The following CLECL1 variants were observed in gnomAD, a reference collection of about 807,000 sequenced individuals.
CLECL1 encodes the protein C-type lectin-like domain family 1.
chr12:9,733,296 T>G (rs777603186), upstream of CLECL1: 1 of 1,455,636 alleles, frequency 6.9e-7, no homozygotes, highest in East Asian at 2.3e-5. Flanking sequence ...GTTAGTTTTC[T>G]GCCTAAACTT....
the CLECL1 span, among the ~76,000 whole-genome samples, chr12:9,707,306 A>G: frequency 4.6e-5 from 7 of 152,238 alleles, no homozygotes; most frequent in Non-Finnish European, 8.8e-5. Context: ...ATTATGAAGG[A>G]TAAAGATTAT....
At chr12:9,731,528 G>A (rs1866447245) in intron 1 of CLECL1, among the ~76,000 whole-genome samples, 1 of 152,174 alleles carries the variant, frequency 6.6e-6, no homozygotes, top group South Asian at 2.1e-4. Context: ...CTGTATGTAA[G>A]ACAACAAAAA....
chr12:9,717,819 T>G (rs741200), downstream of CLECL1, among the ~76,000 whole-genome samples: 53,840 of 151,888 alleles, frequency 0.35, 11,432 homozygotes, highest in East Asian at 0.58. Flanking sequence ...TTGAATAGTG[T>G]AAGTCTTCCA....
chr12:9,714,235 A>G (rs775822142), downstream of CLECL1, among the ~76,000 whole-genome samples: 1 of 152,178 alleles, frequency 6.6e-6, no homozygotes, highest in South Asian at 2.1e-4. Context: ...GTATTGTATG[A>G]TTTTTTCAGG....
chr12:9,722,992 T>C (rs945308788), intron 3 of CLECL1, among the ~76,000 whole-genome samples, 179 bp from the exon 2 acceptor site: 1 of 152,224 alleles, frequency 6.6e-6, no homozygotes. Context: ...CATGTGTATA[T>C]TCATTAATTC....
downstream of CLECL1, among the ~76,000 whole-genome samples, chr12:9,714,074 G>A (rs370974290): frequency 5.9e-5 from 9 of 152,286 alleles, no homozygotes; most frequent in Middle Eastern, 3.4e-3. Flanking sequence ...TTCTTCATAA[G>A]AGTCTCTTGC....
downstream of CLECL1, among the ~76,000 whole-genome samples, chr12:9,712,896 C>A (rs749413030): frequency 3.9e-5 from 6 of 152,160 alleles, no homozygotes; most frequent in South Asian, 1.2e-3. Context: ...AATGTTTAGA[C>A]AAATTAATAA....
chr12:9,705,546 A>G, the CLECL1 span, among the ~76,000 whole-genome samples: 1 of 152,070 alleles, frequency 6.6e-6, no homozygotes, highest in African/African-American at 2.4e-5. Flanking sequence ...GTTTTACACT[A>G]AAGTCTTTAA....
chr12:9,718,895 AC>A (rs1418797404), downstream of CLECL1: 17 of 585,444 alleles, frequency 2.9e-5, no homozygotes, highest in Non-Finnish European at 5.1e-5. Context: ...AGTCTGTGAT[AC>A]TTTATTGAAA....
chr12:9,730,930 C>T (rs1866439646), intron 1 of CLECL1, among the ~76,000 whole-genome samples: 1 of 152,168 alleles, frequency 6.6e-6, no homozygotes, highest in Admixed American at 6.5e-5. Flanking sequence ...AAGCGATCCT[C>T]CTTCCTCGGC....
chr12:9,722,884 G>A, intron 3 of CLECL1, 71 bp from the exon 2 acceptor site: 1 of 1,169,222 alleles, frequency 8.6e-7, no homozygotes, highest in South Asian at 1.7e-5. Flanking sequence ...CTAATTGAAG[G>A]GTCTCAAATT....
intron 2 of CLECL1, among the ~76,000 whole-genome samples, chr12:9,717,234 C>A (rs1866248972): frequency 6.6e-6 from 1 of 152,166 alleles, no homozygotes; most frequent in South Asian, 2.1e-4. Context: ...CACGGTGAAA[C>A]CCCGTCTGTA....
At chr12:9,725,010 G>A (rs1454999629) in intron 3 of CLECL1, among the ~76,000 whole-genome samples, 5 of 152,030 alleles carry the variant, frequency 3.3e-5, no homozygotes, top group African/African-American at 1.2e-4. Flanking sequence ...CTAGAATACA[G>A]TAAAAGATAT....
At chr12:9,732,162 C>T (rs916293695) in intron 1 of CLECL1, among the ~76,000 whole-genome samples, 4 of 152,026 alleles carry the variant, frequency 2.6e-5, no homozygotes, top group African/African-American at 9.7e-5. Context: ...GAAATACATT[C>T]CTTGGAAATA....
chr12:9,724,544 A>G (rs1866355553), intron 3 of CLECL1, among the ~76,000 whole-genome samples: 2 of 152,218 alleles, frequency 1.3e-5, no homozygotes, highest in South Asian at 4.1e-4. Flanking sequence ...TGAAATTTAG[A>G]ATTGAGAAAT....
the CLECL1 span, among the ~76,000 whole-genome samples, chr12:9,703,102 G>A: frequency 6.6e-6 from 1 of 152,120 alleles, no homozygotes; most frequent in Non-Finnish European, 1.5e-5. Context: ...AATTTTTAAC[G>A]TTCCAAAGTT....
At chr12:9,703,748 G>A in the CLECL1 span, among the ~76,000 whole-genome samples, 2 of 151,766 alleles carry the variant, frequency 1.3e-5, no homozygotes, top group African/African-American at 4.9e-5. Context: ...ATATATATAT[G>A]TATACATATT....
At chr12:9,718,781 A>G, downstream of CLECL1, 1 of 700,610 alleles carries the variant, frequency 1.4e-6, no homozygotes, top group Admixed American at 2.0e-5. Flanking sequence ...TCAGCTGAAA[A>G]CCAAGGAGAG....
chr12:9,724,888 A>T (rs771010136), intron 3 of CLECL1, among the ~76,000 whole-genome samples: 1 of 152,302 alleles, frequency 6.6e-6, no homozygotes, highest in East Asian at 1.9e-4. Context: ...TGTATGAATA[A>T]GTTAGTCAAA....
Sources: gnomAD v4.1 joint callset for allele counts (sites outside exome capture counted in the v4.1 genomes callset) on GRCh38, gnomAD v4.1.1 for gene constraint, MANE v1.5 for transcripts, NCBI Gene and HGNC (gene_info 2026-07-23, HGNC 2026-07-21) for gene names.